TMEM108: variants seen among roughly 807,000 people sequenced by gnomAD.
TMEM108 encodes cancer/testis antigen 124.
A neutral mutation model predicts 35.1 loss-of-function variants in TMEM108; 12 were observed. The ratio of observed to expected loss-of-function variants is 0.34; its 90% CI spans 0.22 to 0.55. The LOEUF (loss-of-function observed/expected upper bound fraction) is 0.55, where lower values mean the gene tolerates loss of function less well. TMEM108 is among the 20% of genes least tolerant of loss of function. The pLI, the probability that TMEM108 is intolerant of heterozygous loss-of-function variation, is 0.89. For missense variants in TMEM108, 680 were observed against 753.3 expected (o/e 0.90, Z 1.14); for synonymous variants, 287 against 308.6 (o/e 0.93, Z 0.73).
At chr3:133,264,950 G>A (rs1325217518) in intron 3 of TMEM108, among the ~76,000 whole-genome samples, 1 of 152,170 alleles carries the variant, frequency 6.6e-6, no homozygotes, top group Non-Finnish European at 1.5e-5. Flanking sequence ...GTAGATGGTG[G>A]GAACTGTGGT....
At chr3:133,230,465 G>A (rs1172795312) in intron 3 of TMEM108, among the ~76,000 whole-genome samples, 3 of 152,176 alleles carry the variant, frequency 2.0e-5, no homozygotes, top group African/African-American at 7.2e-5. Context: ...TGTGTTCTAT[G>A]GGACTGCCAG....
intron 3 of TMEM108, among the ~76,000 whole-genome samples, chr3:133,234,634 A>G (rs1338568844): frequency 1.3e-5 from 2 of 152,200 alleles, no homozygotes; most frequent in African/African-American, 4.8e-5. Context: ...ACAAACCCAC[A>G]GCCAATATCA....
chr3:133,357,843 C>T (rs1271220974), intron 3 of TMEM108, among the ~76,000 whole-genome samples: 1 of 152,046 alleles, frequency 6.6e-6, no homozygotes, highest in Non-Finnish European at 1.5e-5. Flanking sequence ...ATACACTGCT[C>T]GGGTGGCAGA....
intron 3 of TMEM108, among the ~76,000 whole-genome samples, chr3:133,317,759 G>A (rs2071217697): frequency 6.6e-6 from 1 of 152,214 alleles, no homozygotes; most frequent in Non-Finnish European, 1.5e-5. Flanking sequence ...ACCATTCTAG[G>A]AGTTGGGGAC....
At chr3:133,167,418 C>T (rs1217797754) in intron 2 of TMEM108, among the ~76,000 whole-genome samples, 3 of 152,272 alleles carry the variant, frequency 2.0e-5, no homozygotes, top group Non-Finnish European at 4.4e-5. Context: ...AGCCCTTGGG[C>T]GGTCCATGGG....
intron 1 of TMEM108, among the ~76,000 whole-genome samples, chr3:133,040,653 T>C (rs1178334394): frequency 6.6e-6 from 1 of 152,184 alleles, no homozygotes; most frequent in African/African-American, 2.4e-5. Context: ...TTGTTTGGCC[T>C]GCGGAAGGGA....
chr3:133,379,566 C>T (rs373238623), intron 3 of TMEM108, among the ~76,000 whole-genome samples, 186 bp from the exon 4 acceptor site: 1 of 152,224 alleles, frequency 6.6e-6, no homozygotes, highest in East Asian at 1.9e-4. Context: ...CAGGCAGCAC[C>T]TACCTAATAG....
At position 133,229,258 on chromosome 3, in the gene TMEM108, T is replaced by C; in HGVS notation, c.-46-8T>C. 1 of 1,572,486 alleles carries C rather than the reference T, an allele frequency of 6.4e-7. No homozygotes were observed. The highest frequency in any genetic ancestry group is 1.2e-5 in the South Asian group (1 of 86,682). On this transcript the variant is annotated splice_polypyrimidine_tract_variant and splice_region_variant and intron_variant, in intron 2 of 5. Transcript: ENST00000321871. ...AGATGTAACAATTTTCTTCTCCCAATTTCCTAGACAGAATCATGAATAAAC... is the reference window on the plus strand; with the variant it reads ...AGATGTAACAATTTTCTTCTCCCAACTTCCTAGACAGAATCATGAATAAAC...
chr3:133,349,636 C>A (rs1044378684), intron 3 of TMEM108, among the ~76,000 whole-genome samples: 1 of 151,306 alleles, frequency 6.6e-6, no homozygotes, highest in African/African-American at 2.4e-5. Flanking sequence ...AAGACCTTCA[C>A]AGACATTTCT....
At chr3:133,228,790 A>G (rs1198304799) in intron 2 of TMEM108, among the ~76,000 whole-genome samples, 1 of 152,148 alleles carries the variant, frequency 6.6e-6, no homozygotes, top group Non-Finnish European at 1.5e-5. Flanking sequence ...AATAATCCAT[A>G]CCAGAAGTAT....
intron 2 of TMEM108, among the ~76,000 whole-genome samples, chr3:133,173,311 G>C (rs1316237667): frequency 1.3e-5 from 2 of 152,214 alleles, no homozygotes; most frequent in Non-Finnish European, 2.9e-5. Flanking sequence ...GGGTTGGAGG[G>C]AGCCTATGTA....
chr3:133,188,235 T>C (rs1945450123), intron 2 of TMEM108, among the ~76,000 whole-genome samples: 1 of 152,148 alleles, frequency 6.6e-6, no homozygotes, highest in South Asian at 2.1e-4. Flanking sequence ...ACACTACACA[T>C]TTGCAAAATG....
At chr3:133,368,833 A>C (rs2072573348) in intron 3 of TMEM108, among the ~76,000 whole-genome samples, 1 of 152,234 alleles carries the variant, frequency 6.6e-6, no homozygotes, top group African/African-American at 2.4e-5. Context: ...GATGTATCAG[A>C]TAGTGAACTA....
intron 3 of TMEM108, among the ~76,000 whole-genome samples, chr3:133,362,033 A>G (rs910083400): frequency 6.6e-6 from 1 of 152,122 alleles, no homozygotes; most frequent in African/African-American, 2.4e-5. Flanking sequence ...TATCACTTCT[A>G]TAATTAGCAT....
chr3:133,198,683 A>G (rs1559865301), intron 2 of TMEM108, among the ~76,000 whole-genome samples: 1 of 152,244 alleles, frequency 6.6e-6, no homozygotes, highest in East Asian at 1.9e-4. Context: ...TGTAAAGATT[A>G]AAATTAAGTG....
At chr3:133,104,610 C>T (rs1559833613) in intron 2 of TMEM108, among the ~76,000 whole-genome samples, 1 of 152,098 alleles carries the variant, frequency 6.6e-6, no homozygotes, top group Non-Finnish European at 1.5e-5. Flanking sequence ...GGTCTTTGGC[C>T]CTGCTGTGTG....
intron 2 of TMEM108, among the ~76,000 whole-genome samples, chr3:133,048,941 G>T (rs1272526803): frequency 1.3e-5 from 2 of 152,188 alleles, no homozygotes; most frequent in Non-Finnish European, 2.9e-5. Flanking sequence ...AGCAGCATGA[G>T]AATCATTTAT....
rs73860836 is a variant in TMEM108, at chr3:133,105,343, A to G, written c.-47+59323A>G. On this transcript the variant is annotated intron_variant, in intron 2 of 5. Transcript: ENST00000321871. The stretch of plus-strand genomic sequence containing the variant: ...TCTTCCTCCATCTGCAAAGCTAGCA[A>G]TGGTGGGTTGAGTCCTTCTCATGGT... Among the ~76,000 whole-genome samples the G allele has an allele frequency of 7.8e-3, 1,180 of 152,238 alleles. 13 individuals are homozygous for G. The highest frequency in any genetic ancestry group is 0.026 in the African/African-American group (1,096 of 41,548).
chr3:133,116,999 A>G (rs957112700), intron 2 of TMEM108, among the ~76,000 whole-genome samples: 1 of 152,016 alleles, frequency 6.6e-6, no homozygotes. Context: ...CCAACTCCCA[A>G]CCTCAGGTGA....
Sources: gnomAD v4.1 joint callset for allele counts (sites outside exome capture counted in the v4.1 genomes callset) on GRCh38, gnomAD v4.1.1 for gene constraint, MANE v1.5 for transcripts, NCBI Gene and HGNC (gene_info 2026-07-23, HGNC 2026-07-21) for gene names.